SIM1: variants seen among roughly 807,000 people sequenced by gnomAD.
SIM1 encodes SIM bHLH transcription factor 1, also known as single-minded homolog 1.
In SIM1, 18 loss-of-function variants were observed where a neutral mutation model predicts 78.2. The observed-to-expected ratio is 0.23, with a 90% CI of 0.16 to 0.34. The LOEUF (loss-of-function observed/expected upper bound fraction) is 0.34. Ranked by LOEUF, SIM1 falls within the 10% of genes least tolerant of loss-of-function variation. The pLI is 1.00. For synonymous variants in SIM1, 417 were observed against 385.2 expected (o/e 1.08, Z -0.97); for missense variants, 939 against 975.1 (o/e 0.96, Z 0.49).
rs1770595063 is a variant in SIM1, at chr6:100,389,939, T to C, written c.*422A>G. ...GTCAAAGAAAATTACCCATTTTTGA[T>C]GTATTTACATTACATAGCCTATATT... is the stretch of plus-strand genomic sequence containing the variant. On this transcript the variant is annotated 3_prime_UTR_variant, in exon 12 of 12. Coordinates refer to ENST00000369208, the MANE Select transcript of SIM1 (RefSeq NM_005068.3). 2 of 391,748 alleles carry C rather than the reference T, an allele frequency of 5.1e-6. No individual in the cohort carries two copies. Among genetic ancestry groups the C allele is most frequent in the East Asian group, 3.6e-5 (1 of 27,592 alleles). The allele number at this position is 391,748 out of a possible 1,614,324, so 24.3% of individuals were successfully genotyped here.
intron 10 of SIM1, among the ~76,000 whole-genome samples, chr6:100,398,933 T>TTGTGTG (rs370296648): frequency 0.01 from 1,515 of 147,028 alleles, 18 homozygotes; most frequent in African/African-American, 0.036. Flanking sequence ...ACACTTGTTA[T>TTGTGTG]TGTGTGTGTG....
In SIM1 at chr6:100,393,697, A is replaced by C. The variant is rs1297177845; in HGVS notation, c.1360T>G (p.Ser454Ala). 2 of 1,613,996 alleles carry C rather than the reference A, an allele frequency of 1.2e-6. No individual in the cohort carries two copies. The highest frequency in any genetic ancestry group is 1.7e-6 in the Non-Finnish European group (2 of 1,179,952). ...AAATGCCTCTCTTCCACCAGCCTCG[A>C]GTGGTCAAGCGCAAAGCCATAGCAG... ...SLCYGFALDH[S>A]RLVEERHFHT... The change falls in exon 11 of 12, where the codon TCG (serine) becomes GCG (alanine). Residue 454 changes from serine to alanine, a missense_variant. Ser to Ala is a moderately conservative substitution (Grantham distance 99). Coordinates refer to ENST00000369208, the MANE Select transcript of SIM1 (RefSeq NM_005068.3).
intron 9 of SIM1, among the ~76,000 whole-genome samples, chr6:100,427,873 C>T (rs1771776208): frequency 6.6e-6 from 1 of 152,204 alleles, no homozygotes; most frequent in Non-Finnish European, 1.5e-5. Flanking sequence ...TTTCTAAATT[C>T]CTTCTCTTAT....
At chr6:100,402,641 G>A (rs1034670684) in intron 10 of SIM1, among the ~76,000 whole-genome samples, 13 of 132,714 alleles carry the variant, frequency 9.8e-5, no homozygotes, top group South Asian at 2.5e-4. Context: ...GCAGTGGCAC[G>A]ATCTCGGCTC....
intron 2 of SIM1, among the ~76,000 whole-genome samples, chr6:100,455,280 C>T (rs1772617223): frequency 6.6e-6 from 1 of 152,116 alleles, no homozygotes; most frequent in Non-Finnish European, 1.5e-5. Context: ...CGCCCGCACT[C>T]GGGACTCCTC....
At chr6:100,397,718 C>T (rs956718371) in intron 10 of SIM1, among the ~76,000 whole-genome samples, 3 of 151,738 alleles carry the variant, frequency 2.0e-5, no homozygotes, top group Non-Finnish European at 4.4e-5. Flanking sequence ...AAAAAGACCC[C>T]GTGAAGAGGA....
chr6:100,454,568 T>C (rs902668394), intron 2 of SIM1, among the ~76,000 whole-genome samples: 2 of 151,980 alleles, frequency 1.3e-5, no homozygotes, highest in Admixed American at 6.6e-5. Context: ...TTACTTTGGG[T>C]GCTAACAATC....
At chr6:100,431,761 T>C (rs1771907462) in intron 9 of SIM1, among the ~76,000 whole-genome samples, 1 of 152,170 alleles carries the variant, frequency 6.6e-6, no homozygotes, top group Non-Finnish European at 1.5e-5. Context: ...CTTGAGAAAG[T>C]TCCCTGGCCA....
intron 10 of SIM1, among the ~76,000 whole-genome samples, chr6:100,406,929 AC>A (rs146912417): frequency 0.068 from 10,422 of 152,172 alleles, 466 homozygotes; most frequent in East Asian, 0.18. Context: ...GATCCCCAGA[AC>A]ACATCCATCT....
chr6:100,412,605 AAGAAAGGAAAGAAAGAAGG>A (rs1562239600), intron 10 of SIM1, among the ~76,000 whole-genome samples: 18 of 109,056 alleles, frequency 1.7e-4, no homozygotes, highest in African/African-American at 5.6e-4. Flanking sequence ...GAAAGAAAGA[AAGAAAGGAAAGAAAGAAGG>A]AAAGAAAGAA....
intron 10 of SIM1, among the ~76,000 whole-genome samples, chr6:100,412,620 G>GAAAGAAAGA (rs745685934): frequency 2.3e-5 from 2 of 86,674 alleles, no homozygotes; most frequent in African/African-American, 7.9e-5. Flanking sequence ...AGGAAAGAAA[G>GAAAGAAAGA]AAGGAAAGAA....
intron 3 of SIM1, among the ~76,000 whole-genome samples, chr6:100,452,017 T>C (rs1400344614): frequency 6.6e-6 from 1 of 152,144 alleles, no homozygotes; most frequent in Non-Finnish European, 1.5e-5. Flanking sequence ...GCCTTGAAGC[T>C]GTAACAGGAG....
At chr6:100,414,718 T>C (rs1198157461) in intron 10 of SIM1, among the ~76,000 whole-genome samples, 2 of 152,190 alleles carry the variant, frequency 1.3e-5, no homozygotes, top group South Asian at 2.1e-4. Flanking sequence ...GCTATACCAA[T>C]AGAAGTGCTA....
chr6:100,457,638 A>C (rs1772704023), intron 2 of SIM1, among the ~76,000 whole-genome samples: 5 of 152,226 alleles, frequency 3.3e-5, no homozygotes, highest in Admixed American at 3.3e-4. Flanking sequence ...CTTTAGAGAA[A>C]AAAAGAGAGG....
In SIM1 at chr6:100,402,898, A is replaced by C. The variant is rs1770962206; in HGVS notation, c.1168-9009T>G. The stretch of plus-strand genomic sequence containing the variant: ...GCCGGTATTGACTGTTTTCAAGTAA[A>C]ACAGTCATGCTTTATGAGCTAGAGA... On this transcript the variant is annotated intron_variant, in intron 10 of 11. Coordinates refer to ENST00000369208, the MANE Select transcript of SIM1 (RefSeq NM_005068.3). Among the ~76,000 whole-genome samples, 3 of 152,042 alleles carry C rather than the reference A, an allele frequency of 2.0e-5. No individual in the cohort carries two copies. In the South Asian group the frequency reaches 6.2e-4, roughly 32 times the overall value.
At chr6:100,439,421 A>G (rs1368902518) in intron 9 of SIM1, among the ~76,000 whole-genome samples, 1 of 152,202 alleles carries the variant, frequency 6.6e-6, no homozygotes, top group East Asian at 1.9e-4. Context: ...TGGTGCAAGT[A>G]TACTATAACA....
Position 100,449,521 on chromosome 6 carries a change from C to A in SIM1, c.457+70G>T, listed in dbSNP as rs560440347. 8.2e-6 allele frequency: 13 copies of A among 1,581,158 alleles called. No individual in the cohort carries two copies. The South Asian group carries it at 1.4e-4, about 17-fold the overall frequency. On this transcript the variant is annotated intron_variant, in intron 5 of 11. Transcript: ENST00000369208. ...CGTGGGACAGCACGCGTCTCTGCCA[C>A]GACTAATTGGGGAAAAACCACAAGC...
rs539648095 is a variant in SIM1, at chr6:100,422,707, A to G, written c.999-1749T>C. Among the ~76,000 whole-genome samples the G allele has an allele frequency of 2.0e-5, 3 of 152,204 alleles. No individual in the cohort carries two copies. The South Asian group carries it at 6.2e-4, about 32-fold the overall frequency. On this transcript the variant is annotated intron_variant, in intron 9 of 11. Coordinates refer to ENST00000369208, the MANE Select transcript of SIM1 (RefSeq NM_005068.3). ...TTTCACCACACACACACACACACGC[A>G]CACATAATGATGAATATATGAGGTA...
chr6:100,453,858 G>A lies in SIM1; in HGVS notation c.176-14C>T, dbSNP rs746185137. The A allele has an allele frequency of 1.7e-5, 28 of 1,603,020 alleles. No homozygotes were observed. The East Asian group carries it at 5.4e-4, about 31-fold the overall frequency. ...CCTCGCCGAGCCCTGTGGAGACACA[G>A]AAGCATCCTGTAGCCACTGAACCCG... is the stretch of plus-strand genomic sequence containing the variant. On this transcript the variant is annotated splice_polypyrimidine_tract_variant and intron_variant, in intron 2 of 11. Coordinates refer to ENST00000369208, the MANE Select transcript of SIM1 (RefSeq NM_005068.3).
Sources: allele counts gnomAD v4.1 joint callset (sites outside exome capture counted in the v4.1 genomes callset), GRCh38; gene constraint gnomAD v4.1.1; transcripts MANE v1.5; gene names NCBI Gene and HGNC (gene_info 2026-07-23, HGNC 2026-07-21).